Variants in PLEKHG1 observed in about 807,000 individuals in gnomAD.
The protein encoded by PLEKHG1 is pleckstrin homology domain-containing family G member 1.
Under a neutral mutation model 100.8 loss-of-function variants are expected in PLEKHG1, and 44 were observed. The ratio of observed to expected loss-of-function variants is 0.44; its 90% confidence interval spans 0.34 to 0.56. The LOEUF is 0.56. PLEKHG1 is among the 20% of genes least tolerant of loss of function. The pLI is 0.01. For synonymous variants in PLEKHG1, 640 were observed against 662.5 expected (o/e 0.97, Z 0.52); for missense variants, 1,545 against 1,720.9 (o/e 0.90, Z 1.81).
At chr6:150,792,405 G>A (rs1441151282) in intron 4 of PLEKHG1, among the ~76,000 whole-genome samples, 1 of 150,038 alleles carries the variant, frequency 6.7e-6, no homozygotes, top group Non-Finnish European at 1.5e-5. Context: ...TGGGCGCGGT[G>A]GCTCACACCT....
chr6:150,790,508 G>T (rs1785905136), intron 4 of PLEKHG1, among the ~76,000 whole-genome samples: 2 of 152,146 alleles, frequency 1.3e-5, no homozygotes, highest in Admixed American at 1.3e-4. Flanking sequence ...ATTGGGCTGT[G>T]TGTCTAGCAT....
intron 1 of PLEKHG1, among the ~76,000 whole-genome samples, chr6:150,617,922 G>A (rs573187502): frequency 6.6e-6 from 1 of 152,308 alleles, no homozygotes; most frequent in Admixed American, 6.5e-5. Context: ...AGCTTATATG[G>A]TGTGTGCTGG....
chr6:150,768,918 A>G (rs1784578476), intron 3 of PLEKHG1, among the ~76,000 whole-genome samples, 180 bp downstream of exon 4: 1 of 152,166 alleles, frequency 6.6e-6, no homozygotes. Context: ...TCTCACATGT[A>G]TTCCATATTC....
chr6:150,791,377 G>A (rs574669285), intron 4 of PLEKHG1, among the ~76,000 whole-genome samples: 111 of 152,142 alleles, frequency 7.3e-4, no homozygotes, highest in African/African-American at 2.6e-3. Flanking sequence ...CGGCTTCTTT[G>A]GAGGCTGGGA....
At chr6:150,608,880 G>A (rs943579542) in intron 1 of PLEKHG1, among the ~76,000 whole-genome samples, 2 of 152,164 alleles carry the variant, frequency 1.3e-5, no homozygotes. Context: ...CAGTAAAGAC[G>A]TTATGAGGTT....
At chr6:150,651,056 C>G (rs1335752255) in intron 3 of PLEKHG1, 1 of 152,084 alleles carries the variant, frequency 6.6e-6, no homozygotes, top group Non-Finnish European at 1.5e-5. Flanking sequence ...ACATTAGGCA[C>G]AGTAAAAGAT....
chr6:150,643,200 TA>T lies in PLEKHG1; in HGVS notation c.-158+5083del, dbSNP rs138097496. 9.4e-3 allele frequency among the ~76,000 whole-genome samples: 1,432 copies of T among 152,088 alleles called. 26 individuals carry two copies. The highest frequency in any genetic ancestry group is 0.033 in the African/African-American group (1,357 of 41,486). On this transcript the variant is annotated intron_variant, in intron 2 of 3. Coordinates refer to the PLEKHG1 transcript ENST00000367326. ...TAACTATGCCAACTTTTAGCCTGTT[TA>T]AAAAAAATAAACAGGAAATGGTAAA...
chr6:150,811,762 C>CT (rs1466974083), intron 10 of PLEKHG1, among the ~76,000 whole-genome samples: 30 of 152,166 alleles, frequency 2.0e-4, no homozygotes, highest in African/African-American at 7.2e-4. Flanking sequence ...GCAGGAGCCC[C>CT]TGGAGGGCTG....
rs745406405 is a variant in PLEKHG1, at chr6:150,821,174, T to C, written c.1409-21T>C. Reference sequence around the variant, plus strand: ...TTTGATTTGGTTTTGCCAATGATGCTGGCTTTGTTTTGTCTCCCAGAACCT... The same window carrying C: ...TTTGATTTGGTTTTGCCAATGATGCCGGCTTTGTTTTGTCTCCCAGAACCT... On this transcript the variant is annotated intron_variant, in intron 12 of 15. Coordinates refer to ENST00000358517, the Ensembl canonical transcript of PLEKHG1. 7 of 1,609,382 alleles carry C rather than the reference T, an allele frequency of 4.3e-6. No individual in the cohort carries two copies. In the South Asian group the frequency reaches 6.6e-5, roughly 15 times the overall value.
At chr6:150,779,344 G>GTTTGTTTTTTTTTTTTTTTTTTTTTT (rs1257363893) in intron 3 of PLEKHG1, among the ~76,000 whole-genome samples, 2 of 104,536 alleles carry the variant, frequency 1.9e-5, no homozygotes, top group South Asian at 3.4e-4. Flanking sequence ...TTGTCAAGAA[G>GTTTGTTTTTTTTTTTTTTTTTTTTTT]TTTTTTTTTT....
chr6:150,808,264 G>T (rs1445600890), intron 7 of PLEKHG1, among the ~76,000 whole-genome samples: 2 of 152,016 alleles, frequency 1.3e-5, no homozygotes, highest in Non-Finnish European at 2.9e-5. Flanking sequence ...GGCAAAGAAA[G>T]GTTCATTTCC....
intron 3 of PLEKHG1, among the ~76,000 whole-genome samples, chr6:150,704,128 G>A (rs949355106): frequency 6.6e-6 from 1 of 152,222 alleles, no homozygotes; most frequent in Non-Finnish European, 1.5e-5. Context: ...TTAGCATGTT[G>A]AGAATGAATC....
At chr6:150,800,145 A>C (rs1786601422) in intron 5 of PLEKHG1, among the ~76,000 whole-genome samples, 1 of 152,156 alleles carries the variant, frequency 6.6e-6, no homozygotes, top group Non-Finnish European at 1.5e-5. Flanking sequence ...ACCTCTTCAA[A>C]GATTCTCACA....
At chr6:150,604,614 T>C (rs1348220519) in intron 1 of PLEKHG1, among the ~76,000 whole-genome samples, 1 of 152,238 alleles carries the variant, frequency 6.6e-6, no homozygotes, top group Non-Finnish European at 1.5e-5. Flanking sequence ...TTTCATTGGC[T>C]CTATCTATGT....
At chr6:150,761,298 G>C (rs1308990225) in intron 2 of PLEKHG1, among the ~76,000 whole-genome samples, 1 of 150,444 alleles carries the variant, frequency 6.6e-6, no homozygotes, top group East Asian at 1.9e-4. Context: ...TAGAGACGAG[G>C]TTTCACCGTG....
chr6:150,684,195 C>T (rs1478783261), intron 3 of PLEKHG1, among the ~76,000 whole-genome samples: 5 of 152,194 alleles, frequency 3.3e-5, no homozygotes, highest in African/African-American at 1.2e-4. Context: ...TTAGAAAATG[C>T]AGGCTCCCTG....
intron 1 of PLEKHG1, among the ~76,000 whole-genome samples, chr6:150,616,027 A>C (rs1349998678): frequency 6.6e-6 from 1 of 152,212 alleles, no homozygotes; most frequent in Non-Finnish European, 1.5e-5. Flanking sequence ...AGATGAGGTA[A>C]CTTGTCCAAA....
intron 3 of PLEKHG1, among the ~76,000 whole-genome samples, chr6:150,680,418 T>C (rs1779894158): frequency 6.6e-6 from 1 of 152,210 alleles, no homozygotes; most frequent in African/African-American, 2.4e-5. Context: ...TTGTGTTTCA[T>C]TTTGGTTATA....
At chr6:150,605,042 G>T (rs997062081) in intron 1 of PLEKHG1, among the ~76,000 whole-genome samples, 6 of 152,176 alleles carry the variant, frequency 3.9e-5, no homozygotes, top group Admixed American at 2.6e-4. Context: ...TGAAATATCT[G>T]TCTCTTCCCT....
Sources: gnomAD v4.1 joint callset for allele counts (sites outside exome capture counted in the v4.1 genomes callset) on GRCh38, gnomAD v4.1.1 for gene constraint, MANE v1.5 for transcripts, NCBI Gene and HGNC (gene_info 2026-07-23, HGNC 2026-07-21) for gene names.